Variants in GABRB1 observed in about 807,000 individuals in gnomAD.
GABRB1 encodes gamma-aminobutyric acid type A receptor subunit beta1, also known as gamma-aminobutyric acid receptor subunit beta-1.
Under a neutral mutation model 51.6 loss-of-function variants are expected in GABRB1, and 17 were observed. The observed-to-expected ratio is 0.33, with a 90% CI of 0.23 to 0.49. The LOEUF is 0.49. Among genes scored for constraint, GABRB1 ranks in the 20% least tolerant of loss-of-function variants. The pLI, the probability that GABRB1 is intolerant of heterozygous loss-of-function variation, is 0.99. For missense variants in GABRB1, 410 were observed against 600.6 expected (o/e 0.68, Z 3.32); for synonymous variants, 247 against 218.9 (o/e 1.13, Z -1.14).
Position 47,143,239 on chromosome 4 carries a change from T to A in GABRB1, c.241-18010T>A, listed in dbSNP as rs138790665. Among the ~76,000 whole-genome samples the A allele has an allele frequency of 3.2e-4, 48 of 151,972 alleles. No individual in the cohort carries two copies. In the East Asian group the frequency reaches 8.9e-3, roughly 28 times the overall value. On this transcript the variant is annotated intron_variant, in intron 3 of 8. Transcript: ENST00000295454. Reference sequence around the variant, plus strand: ...AAGCTGAGGGTATCATCAAAAAGAATTCCACATTTTCTCTATTTTAACATG... The same window carrying A: ...AAGCTGAGGGTATCATCAAAAAGAAATCCACATTTTCTCTATTTTAACATG...
intron 4 of GABRB1, among the ~76,000 whole-genome samples, chr4:47,188,243 CT>C (rs1322800616): frequency 6.6e-6 from 1 of 151,904 alleles, no homozygotes; most frequent in Admixed American, 6.6e-5. Flanking sequence ...AAATTAACAT[CT>C]TTTTAAAAAG....
At chr4:46,998,096 A>T (rs924329738) in intron 1 of GABRB1, among the ~76,000 whole-genome samples, 1 of 152,162 alleles carries the variant, frequency 6.6e-6, no homozygotes, top group African/African-American at 2.4e-5. Context: ...ATTTGAGTAA[A>T]CATTTCATAA....
At chr4:47,297,144 A>C (rs936160874) in intron 4 of GABRB1, among the ~76,000 whole-genome samples, 1 of 152,094 alleles carries the variant, frequency 6.6e-6, no homozygotes, top group Non-Finnish European at 1.5e-5. Context: ...CTAAATGCAC[A>C]TAAGAGAAAG....
intron 4 of GABRB1, among the ~76,000 whole-genome samples, chr4:47,175,008 C>G (rs1340194282): frequency 7.2e-6 from 1 of 139,496 alleles, no homozygotes; most frequent in African/African-American, 2.7e-5. Flanking sequence ...TCCTTCCTCT[C>G]TCTTCCTTCT....
At chr4:47,252,102 C>T (rs1220680194) in intron 4 of GABRB1, among the ~76,000 whole-genome samples, 2 of 150,012 alleles carry the variant, frequency 1.3e-5, no homozygotes, top group South Asian at 4.3e-4. Context: ...GCTGCCCCCC[C>T]TCCTACTCCT....
At chr4:47,142,766 A>C (rs1716988925) in intron 3 of GABRB1, among the ~76,000 whole-genome samples, 1 of 151,896 alleles carries the variant, frequency 6.6e-6, no homozygotes, top group Non-Finnish European at 1.5e-5. Context: ...AAGCATAGAC[A>C]AAGGAAAAAC....
At position 47,157,835 on chromosome 4, in the gene GABRB1, A is replaced by T. The variant is rs141226908; in HGVS notation, c.241-3414A>T. Among the ~76,000 whole-genome samples, 26 of 152,200 alleles carry T rather than the reference A, an allele frequency of 1.7e-4. No individual in the cohort carries two copies. The East Asian group carries it at 4.8e-3, about 28-fold the overall frequency. On this transcript the variant is annotated intron_variant, in intron 3 of 8. Transcript: ENST00000295454. ...TTTATTTATCATAGAATCAGGTCCT[A>T]GATTAGGCTACTAACTCCAGAAATG...
At chr4:47,370,334 A>G (rs145683283) in intron 5 of GABRB1, among the ~76,000 whole-genome samples, 248 of 152,266 alleles carry the variant, frequency 1.6e-3, no homozygotes, top group African/African-American at 5.6e-3. Flanking sequence ...TAAAAATACA[A>G]AAATTAGCTG....
intron 1 of GABRB1, among the ~76,000 whole-genome samples, chr4:47,001,915 A>G (rs967354323): frequency 6.6e-6 from 1 of 152,228 alleles, no homozygotes; most frequent in African/African-American, 2.4e-5. Context: ...AATTGTTCCA[A>G]AAAGTGATAT....
intron 3 of GABRB1, among the ~76,000 whole-genome samples, chr4:47,158,581 G>A (rs1026152806): frequency 6.6e-6 from 1 of 152,022 alleles, no homozygotes; most frequent in African/African-American, 2.4e-5. Context: ...ATGAGGAATC[G>A]GTATAAGCTG....
intron 3 of GABRB1, among the ~76,000 whole-genome samples, chr4:47,089,919 G>T (rs1025405232): frequency 1.3e-5 from 2 of 152,148 alleles, no homozygotes; most frequent in Non-Finnish European, 2.9e-5. Flanking sequence ...AAAGATCTCA[G>T]TTCTCATCAC....
At chr4:47,120,124 TTAA>T (rs1715705205) in intron 3 of GABRB1, among the ~76,000 whole-genome samples, 2 of 152,142 alleles carry the variant, frequency 1.3e-5, no homozygotes, top group African/African-American at 4.8e-5. Context: ...GACAAAAAAG[TTAA>T]TTATATAATT....
At chr4:47,357,307 GA>G (rs111629954) in intron 5 of GABRB1, among the ~76,000 whole-genome samples, 1,925 of 152,228 alleles carry the variant, frequency 0.013, 32 homozygotes, top group African/African-American at 0.037. Context: ...GAGAAGACTG[GA>G]AAAAGATTGT....
At chr4:47,080,570 A>C (rs1265056167) in intron 3 of GABRB1, among the ~76,000 whole-genome samples, 1 of 152,082 alleles carries the variant, frequency 6.6e-6, no homozygotes, top group East Asian at 1.9e-4. Context: ...TTTTTTAAAA[A>C]AAATTACTTT....
In GABRB1 at chr4:47,403,441, T is replaced by C. The variant is rs1006852149; in HGVS notation, c.668T>C (p.Val223Ala). Residue 223 changes from valine (V) to alanine (A), a missense_variant, in exon 6 of 9, where the codon GTG becomes GCG. Physicochemically the swap from Val to Ala is moderately conservative, Grantham distance 64 (BLOSUM62 0). Transcript: ENST00000295454. ...GACTACAAGATGGTGTCTAAGAAGG[T>C]GGAGTTCACAACAGGTGAGGTTGTT... ...IVDYKMVSKK[V>A]EFTTGAYPRL... The C allele has an allele frequency of 2.5e-6, 4 of 1,613,916 alleles. No homozygotes were observed. Among genetic ancestry groups the C allele is most frequent in the Admixed American group, 1.7e-5 (1 of 59,988 alleles).
chr4:47,403,237 G>A (rs1463856187), intron 5 of GABRB1, 81 bp from the exon 6 acceptor site: 75 of 1,519,592 alleles, frequency 4.9e-5, no homozygotes, highest in Middle Eastern at 2.3e-4. Context: ...TTTGTGCTGG[G>A]AATTTTTCCT....
Position 47,229,195 on chromosome 4 carries a change from T to A in GABRB1, c.461+67726T>A, listed in dbSNP as rs560295191. Among the ~76,000 whole-genome samples, 282 of 152,292 alleles carry A rather than the reference T, an allele frequency of 1.9e-3. 2 individuals carry two copies. The highest frequency in any genetic ancestry group is 8.5e-3 in the South Asian group (41 of 4,826). ...AGCTAAATTATTTGAAGTGACTGATTGAAACCTTGCATACTTATGATGTTC... is the reference window on the plus strand; with the variant it reads ...AGCTAAATTATTTGAAGTGACTGATAGAAACCTTGCATACTTATGATGTTC... On this transcript the variant is annotated intron_variant, in intron 4 of 8. Transcript: ENST00000295454.
At chr4:47,407,068 C>T in intron 8 of GABRB1, 142 bp downstream of exon 8, 1 of 851,114 alleles carries the variant, frequency 1.2e-6, no homozygotes, top group Non-Finnish European at 1.8e-6. Context: ...TTTACATATT[C>T]AGGGACTGAG....
chr4:47,276,954 A>T (rs1723105568), intron 4 of GABRB1, among the ~76,000 whole-genome samples: 1 of 152,118 alleles, frequency 6.6e-6, no homozygotes, highest in East Asian at 1.9e-4. Flanking sequence ...CTCTAAAGCC[A>T]GGGCTCCTAA....
Sources: allele counts gnomAD v4.1 joint callset (sites outside exome capture counted in the v4.1 genomes callset), GRCh38; gene constraint gnomAD v4.1.1; transcripts MANE v1.5; gene names NCBI Gene and HGNC (gene_info 2026-07-23, HGNC 2026-07-21).